The following ALK variants were observed in gnomAD, a reference collection of about 807,000 sequenced individuals.
The protein encoded by ALK is ALK receptor tyrosine kinase, also known as ALK tyrosine kinase receptor.
In ALK, 74 loss-of-function variants were observed where a neutral mutation model predicts 163.1. That is an observed-to-expected ratio of 0.45 (90% CI 0.38 to 0.55). ALK has a LOEUF of 0.55. ALK is among the 20% of genes least tolerant of loss of function. The probability of loss-of-function intolerance (pLI) is 0.00; values close to 1 mark genes in which losing one functional copy is unlikely to be tolerated. For missense variants in ALK, 2,063 were observed against 2,105.3 expected (o/e 0.98, Z 0.39); for synonymous variants, 960 against 843.2 (o/e 1.14, Z -2.40).
chr2:29,366,119 A>T (rs995513347), intron 5 of ALK, among the ~76,000 whole-genome samples: 3 of 152,200 alleles, frequency 2.0e-5, no homozygotes, highest in Non-Finnish European at 4.4e-5. Flanking sequence ...GAGTCTAAAA[A>T]GCTAAACTTT....
chr2:29,254,901 C>A (rs1664913872), intron 11 of ALK, among the ~76,000 whole-genome samples: 1 of 152,130 alleles, frequency 6.6e-6, no homozygotes, highest in South Asian at 2.1e-4. Flanking sequence ...ATTCAGTGGA[C>A]ATACATTAGT....
Position 29,416,013 on chromosome 2 carries a change from C to T in ALK, c.1155-32154G>A, listed in dbSNP as rs141366847. Among the ~76,000 whole-genome samples, 35 of 152,320 alleles carry T rather than the reference C, an allele frequency of 2.3e-4. No individual in the cohort carries two copies. In the South Asian group the frequency reaches 6.4e-3, roughly 28 times the overall value. The stretch of plus-strand genomic sequence containing the variant: ...CTCCCCTGGATCTCTGGCCTTCAGA[C>T]CCCGACTACATTAAACCACCAGTTT... On this transcript the variant is annotated intron_variant, in intron 4 of 28. Transcript: ENST00000389048.
chr2:29,345,715 A>C (rs1401498068), intron 5 of ALK, among the ~76,000 whole-genome samples: 1 of 152,156 alleles, frequency 6.6e-6, no homozygotes, highest in East Asian at 1.9e-4. Context: ...ACAAAGAAAC[A>C]ACATCCCCAC....
At chr2:29,355,385 A>G (rs13001260) in intron 5 of ALK, among the ~76,000 whole-genome samples, 70,383 of 151,946 alleles carry the variant, frequency 0.46, 16,621 homozygotes, top group South Asian at 0.55. Flanking sequence ...TTCTCAGGTC[A>G]CTTTCTACGA....
chr2:29,345,604 C>G (rs963992083), intron 5 of ALK, among the ~76,000 whole-genome samples: 7 of 151,630 alleles, frequency 4.6e-5, no homozygotes, highest in Middle Eastern at 3.2e-3. Flanking sequence ...ACCTTTGAAC[C>G]CCAAGGTTCC....
intron 4 of ALK, among the ~76,000 whole-genome samples, chr2:29,397,465 G>T (rs903659879): frequency 1.3e-5 from 2 of 152,290 alleles, no homozygotes; most frequent in Admixed American, 6.5e-5. Flanking sequence ...AGACAATGAA[G>T]TTCTGTTATT....
intron 4 of ALK, among the ~76,000 whole-genome samples, chr2:29,475,897 C>T (rs1440949417): frequency 6.6e-6 from 1 of 152,212 alleles, no homozygotes; most frequent in Non-Finnish European, 1.5e-5. Context: ...TATAAAATCC[C>T]AGACAGGCGG....
intron 3 of ALK, among the ~76,000 whole-genome samples, chr2:29,690,760 A>G (rs1384931683): frequency 6.6e-6 from 1 of 152,224 alleles, no homozygotes; most frequent in Non-Finnish European, 1.5e-5. Context: ...ATACACTTAT[A>G]GTTCATTATC....
chr2:29,372,053 A>G (rs900924112), intron 5 of ALK, among the ~76,000 whole-genome samples: 2 of 152,256 alleles, frequency 1.3e-5, no homozygotes, highest in African/African-American at 4.8e-5. Context: ...AAATTAAAAA[A>G]TATTCCTCCA....
At chr2:29,288,374 G>T (rs1444592991) in intron 9 of ALK, among the ~76,000 whole-genome samples, 1 of 152,162 alleles carries the variant, frequency 6.6e-6, no homozygotes, top group Admixed American at 6.5e-5. Flanking sequence ...TCCCTCTCTG[G>T]ATGACTGATC....
intron 4 of ALK, among the ~76,000 whole-genome samples, chr2:29,524,864 T>C (rs545661477): frequency 1.3e-5 from 2 of 151,410 alleles, no homozygotes; most frequent in African/African-American, 4.8e-5. Flanking sequence ...GATGGATGGA[T>C]GGATGGATGA....
intron 23 of ALK, among the ~76,000 whole-genome samples, chr2:29,219,489 C>T (rs560751847): frequency 6.6e-6 from 1 of 152,308 alleles, no homozygotes; most frequent in East Asian, 1.9e-4. Flanking sequence ...TCCCTCCTTT[C>T]CTGGGAGCGG....
intron 4 of ALK, among the ~76,000 whole-genome samples, chr2:29,425,818 C>T (rs1670122174): frequency 6.6e-6 from 1 of 152,110 alleles, no homozygotes; most frequent in Admixed American, 6.6e-5. Context: ...CTCTTACAAA[C>T]AATTATGATT....
intron 2 of ALK, among the ~76,000 whole-genome samples, chr2:29,714,404 C>T (rs537517415): frequency 4.6e-5 from 7 of 152,260 alleles, no homozygotes; most frequent in African/African-American, 1.4e-4. Flanking sequence ...AAACTTTTTC[C>T]TCAAGCAGAT....
At chr2:29,532,593 A>G (rs1641683023) in intron 3 of ALK, among the ~76,000 whole-genome samples, 1 of 152,160 alleles carries the variant, frequency 6.6e-6, no homozygotes, top group Admixed American at 6.5e-5. Flanking sequence ...TGAGCCTATG[A>G]GTCATGTGAA....
At chr2:29,463,140 T>C (rs1005823648) in intron 4 of ALK, among the ~76,000 whole-genome samples, 1 of 152,180 alleles carries the variant, frequency 6.6e-6, no homozygotes, top group Non-Finnish European at 1.5e-5. Context: ...AAACATGTAA[T>C]GAAGGATAAT....
In ALK at chr2:29,646,320, C is replaced by T. The variant is rs181693247; in HGVS notation, c.952+48530G>A. ...AAAACACCACTCCTTACCATCTGCC[C>T]TTCCAGCATCTGATACAAGTTGTCT... On this transcript the variant is annotated intron_variant, in intron 3 of 28. Coordinates refer to ENST00000389048, the MANE Select transcript of ALK (RefSeq NM_004304.5). 2.7e-4 allele frequency among the ~76,000 whole-genome samples: 41 copies of T among 152,252 alleles called. No individual in the cohort carries two copies. In the East Asian group the frequency reaches 7.7e-3, roughly 29 times the overall value.
chr2:29,383,654 G>T, intron 5 of ALK, 78 bp downstream of exon 5: 1 of 1,595,722 alleles, frequency 6.3e-7, no homozygotes, highest in Non-Finnish European at 8.6e-7. Flanking sequence ...CACATTCCCA[G>T]CCAAACATGG....
chr2:29,420,156 TAAAAAAAAAAAAA>T (rs66468654), intron 4 of ALK, among the ~76,000 whole-genome samples: 1 of 108,764 alleles, frequency 9.2e-6, no homozygotes, highest in African/African-American at 3.9e-5. Context: ...GACCCTGTCT[TAAAAAAAAAAAAA>T]AAAAAAAAAG....
Sources: gnomAD v4.1 joint callset for allele counts (sites outside exome capture counted in the v4.1 genomes callset) on GRCh38, gnomAD v4.1.1 for gene constraint, MANE v1.5 for transcripts, NCBI Gene and HGNC (gene_info 2026-07-23, HGNC 2026-07-21) for gene names.